RNF17: variants seen among roughly 807,000 people sequenced by gnomAD.
The protein encoded by RNF17 is spermatogenesis associated 23.
RNF17 carries 31 observed loss-of-function variants against 200.5 expected under a neutral mutation model. That is an observed-to-expected ratio of 0.15 (90% CI 0.12 to 0.21). The LOEUF (loss-of-function observed/expected upper bound fraction) is 0.21, where lower values mean the gene tolerates loss of function less well. Among genes scored for constraint, RNF17 ranks in the 10% least tolerant of loss-of-function variants. The probability of loss-of-function intolerance (pLI) is 1.00; values close to 1 mark genes in which losing one functional copy is unlikely to be tolerated. For missense variants in RNF17, 1,628 were observed against 1,905.1 expected, an observed-to-expected ratio of 0.85 and a Z score of 2.71; for synonymous variants, 606 against 637.8, an observed-to-expected ratio of 0.95 and a Z score of 0.75.
chr13:24,752,140 T>C, the RNF17 span: 1 of 152,626 alleles, frequency 6.6e-6, no homozygotes, highest in South Asian at 2.1e-4. Context: ...TAGGACAGCA[T>C]AGTGGAGAGC....
chr13:24,850,405 G>A lies in RNF17; in HGVS notation c.3166G>A (p.Gly1056Arg), dbSNP rs985750355. The change falls in exon 23 of 36, where the codon GGA becomes AGA. Residue 1056 changes from glycine (G) to arginine (R), a missense_variant. Physicochemically the swap from Gly to Arg is moderately radical, Grantham distance 125 (BLOSUM62 -2). Coordinates refer to ENST00000255324, the MANE Select transcript of RNF17 (RefSeq NM_031277.3). ...TGACTGTCTTTCATTGTACCTGACTGGAGCTGTAGCAACTATAATCTTACA... is the reference window on the plus strand; with the variant it reads ...TGACTGTCTTTCATTGTACCTGACTAGAGCTGTAGCAACTATAATCTTACA... ...ACDCLSLYLTGAVATIILQVD... is the reference protein window; with the variant it reads ...ACDCLSLYLTRAVATIILQVD... 6.2e-7 allele frequency: 1 copy of A among 1,613,286 alleles called. No homozygotes were observed. Among genetic ancestry groups the A allele is most frequent in the Non-Finnish European group, 8.5e-7 (1 of 1,179,524 alleles).
At chr13:24,809,782 C>T (rs1886364997) in intron 15 of RNF17, among the ~76,000 whole-genome samples, 1 of 152,000 alleles carries the variant, frequency 6.6e-6, no homozygotes, top group South Asian at 2.1e-4. Context: ...GCATTTAGTG[C>T]TATAAATTTC....
In RNF17 at chr13:24,800,375, T is replaced by C. The variant is rs45625341; in HGVS notation, c.1599T>C (p.Asp533=). The part of the protein sequence containing the change: ...SEVLIVTGVV[D]THVRPEHSAK... Reference sequence around the variant, plus strand: ...CTTGAATTTCTCCTAGAGTTGTTGATACCCATGTGAGACCAGAACACTCTG... The same window carrying C: ...CTTGAATTTCTCCTAGAGTTGTTGACACCCATGTGAGACCAGAACACTCTG... The change falls in exon 13 of 36, where the codon GAT becomes GAC. Residue 533 remains aspartate, a synonymous_variant. Transcript: ENST00000255324. 4,480 of 1,580,586 alleles carry C rather than the reference T, an allele frequency of 2.8e-3. 9 individuals are homozygous for C. Among genetic ancestry groups the C allele is most frequent in the Non-Finnish European group, 3.6e-3 (4,167 of 1,159,848 alleles).
rs781601511 is a variant in RNF17, at chr13:24,877,193, GTCTC to G, written c.4773+8_4773+11del. The G allele has an allele frequency of 6.2e-7, 1 of 1,601,210 alleles. No homozygotes were observed. Among genetic ancestry groups the G allele is most frequent in the South Asian group, 1.1e-5 (1 of 87,808 alleles). ...ACTCTATGCTGTGTCCATGGTAAGT[GTCTC>G]AAGTAGCCAAAATTATTGTAAAGCT... On this transcript the variant is annotated splice_region_variant and intron_variant, in intron 34 of 35. Transcript: ENST00000255324.
chr13:24,748,267 A>G, the RNF17 span, among the ~76,000 whole-genome samples: 28 of 152,232 alleles, frequency 1.8e-4, 1 homozygote, highest in Non-Finnish European at 8.8e-5. Flanking sequence ...TAATGAGGGT[A>G]GAAGGTCGAA....
At chr13:24,817,836 A>G (rs2137893481) in intron 15 of RNF17, among the ~76,000 whole-genome samples, 1 of 151,968 alleles carries the variant, frequency 6.6e-6, no homozygotes, top group East Asian at 1.9e-4. Context: ...AGATTTGTCA[A>G]TTTTGCTGAT....
At chr13:24,818,586 A>G (rs773972409) in intron 15 of RNF17, among the ~76,000 whole-genome samples, 24 of 152,114 alleles carry the variant, frequency 1.6e-4, no homozygotes, top group Non-Finnish European at 7.4e-5. Context: ...AATTGCTTAT[A>G]ATTGTTATAT....
Position 24,799,622 on chromosome 13 carries a change from G to A in RNF17, c.1589+38G>A, listed in dbSNP as rs529629306. On this transcript the variant is annotated intron_variant, in intron 12 of 35. Coordinates refer to ENST00000255324, the MANE Select transcript of RNF17 (RefSeq NM_031277.3). The stretch of plus-strand genomic sequence containing the variant: ...ATAATATGTATCCTTGGCCTGCTTA[G>A]AAACATTTTGGAGGGAGGTGGAGTT... 9.7e-6 allele frequency: 13 copies of A among 1,343,576 alleles called. No homozygotes were observed. In the South Asian group the frequency reaches 1.6e-4, roughly 16 times the overall value. The allele number at this position is 1,343,576 out of a possible 1,614,324, so 83.2% of individuals were successfully genotyped here. A position where few individuals can be genotyped will look rare whatever the true frequency, so the allele number is the denominator to read the frequency against.
At chr13:24,847,349 AT>A (rs58067264) in intron 22 of RNF17, among the ~76,000 whole-genome samples, 81,636 of 138,422 alleles carry the variant, frequency 0.59, 23,398 homozygotes, top group Middle Eastern at 0.69. Flanking sequence ...TTATTTATTT[AT>A]TTTTTTTTTT....
chr13:24,882,843 C>A (rs1037562751), downstream of RNF17: 1 of 333,732 alleles, frequency 3.0e-6, no homozygotes, highest in Non-Finnish European at 5.7e-6. Context: ...GTCTGTGGGA[C>A]ATCTAGGTGA....
At chr13:24,788,365 T>C (rs1048679548) in intron 7 of RNF17, among the ~76,000 whole-genome samples, 1 of 152,178 alleles carries the variant, frequency 6.6e-6, no homozygotes, top group Non-Finnish European at 1.5e-5. Flanking sequence ...GTAAAATTTA[T>C]ATGACCTTTT....
chr13:24,782,180 ATGG>A (rs1882470857), intron 6 of RNF17, among the ~76,000 whole-genome samples: 1 of 152,010 alleles, frequency 6.6e-6, no homozygotes, highest in Non-Finnish European at 1.5e-5. Context: ...GCTGAAGCTA[ATGG>A]TGGTTTGTTT....
At chr13:24,756,889 A>C in the RNF17 span, among the ~76,000 whole-genome samples, 17,798 of 152,228 alleles carry the variant, frequency 0.12, 1,270 homozygotes, top group Non-Finnish European at 0.16. Flanking sequence ...GCAGTGAAAG[A>C]CATCATGATA....
At chr13:24,873,753 TCTC>T (rs1362409755) in intron 32 of RNF17, among the ~76,000 whole-genome samples, 2 of 152,076 alleles carry the variant, frequency 1.3e-5, no homozygotes, top group African/African-American at 4.8e-5. Context: ...GAACCATTAA[TCTC>T]CTTGTTATCT....
chr13:24,788,250 A>G (rs958668343), intron 7 of RNF17, 91 bp downstream of exon 7: 2 of 945,022 alleles, frequency 2.1e-6, no homozygotes, highest in African/African-American at 1.7e-5. Context: ...TGTTTTTCAG[A>G]TTATCCTAAC....
chr13:24,870,198 C>A (rs765790098), intron 31 of RNF17, among the ~76,000 whole-genome samples: 2 of 152,038 alleles, frequency 1.3e-5, no homozygotes, highest in Non-Finnish European at 2.9e-5. Context: ...CACCCTGCCG[C>A]GGCCTCCAAA....
At chr13:24,809,912 C>A (rs1886385044) in intron 15 of RNF17, among the ~76,000 whole-genome samples, 1 of 152,032 alleles carries the variant, frequency 6.6e-6, no homozygotes, top group East Asian at 1.9e-4. Flanking sequence ...AGTAGTCATT[C>A]AGGAGCAGGT....
intron 15 of RNF17, among the ~76,000 whole-genome samples, chr13:24,805,027 T>G (rs1399427578): frequency 5.3e-5 from 8 of 152,256 alleles, no homozygotes; most frequent in African/African-American, 1.9e-4. Context: ...AGATGAAGCA[T>G]CTTGCCCAAG....
At position 24,843,935 on chromosome 13, in the gene RNF17, A is replaced by G. The variant is rs369705239; in HGVS notation, c.2795A>G (p.Tyr932Cys). 94 of 1,553,554 alleles carry G rather than the reference A, an allele frequency of 6.1e-5. No individual in the cohort carries two copies. Among genetic ancestry groups the G allele is most frequent in the Non-Finnish European group, 8.1e-5 (93 of 1,144,282 alleles). ...AATGTAATATCTCCTGAGAAGATTT[A>G]TGTTCAGTGGTTGTTAACTGAAAAC... ...ICNVISPEKIYVQWLLTENLL... is the reference protein window; with the variant it reads ...ICNVISPEKICVQWLLTENLL... Residue 932 changes from tyrosine (Y) to cysteine (C), a missense_variant, in exon 20 of 36, where the codon TAT (tyrosine) becomes TGT (cysteine). Physicochemically the swap from Tyr to Cys is radical, Grantham distance 194 (BLOSUM62 -2). Around this residue, in one of 5 missense-constraint regions of RNF17, gnomAD observed 227 missense variants for 319.8 expected, o/e 0.71. Transcript: ENST00000255324.
Sources: gnomAD v4.1 joint callset for allele counts (sites outside exome capture counted in the v4.1 genomes callset) on GRCh38, gnomAD v4.1.1 for gene constraint, gnomAD v4.1.1 regional missense constraint, MANE v1.5 for transcripts, NCBI Gene and HGNC (gene_info 2026-07-23, HGNC 2026-07-21) for gene names.